The following EPB41L5 variants were observed in gnomAD, a reference collection of about 807,000 sequenced individuals.
EPB41L5 encodes erythrocyte membrane protein band 4.1 like 5, also known as band 4.1-like protein 5.
EPB41L5 carries 55 observed loss-of-function variants against 106.6 expected under a neutral mutation model. The ratio of observed to expected loss-of-function variants is 0.52; its 90% CI spans 0.42 to 0.65. The LOEUF (loss-of-function observed/expected upper bound fraction) is 0.65, where lower values mean the gene tolerates loss of function less well. Ranked by LOEUF, EPB41L5 falls within the 30% of genes least tolerant of loss-of-function variation. The pLI, the probability that EPB41L5 is intolerant of heterozygous loss-of-function variation, is 0.00. For missense variants in EPB41L5, 871 were observed against 882.1 expected (o/e 0.99, Z 0.16); for synonymous variants, 297 against 306.7 (o/e 0.97, Z 0.33).
At chr2:120,112,149 A>T (rs956851071) in intron 16 of EPB41L5, among the ~76,000 whole-genome samples, 2 of 151,654 alleles carry the variant, frequency 1.3e-5, no homozygotes, top group African/African-American at 4.9e-5. Context: ...TCATCTTAGT[A>T]TGTGTTTGTT....
intron 2 of EPB41L5, among the ~76,000 whole-genome samples, chr2:120,020,331 A>C (rs1030872310): frequency 6.6e-6 from 1 of 152,178 alleles, no homozygotes; most frequent in Non-Finnish European, 1.5e-5. Context: ...AAGGAATTGG[A>C]GAGTTTGTTT....
chr2:120,167,744 A>AAAAC (rs1312116728), intron 23 of EPB41L5, 133 bp from the exon 24 acceptor site: 3 of 1,227,032 alleles, frequency 2.4e-6, no homozygotes, highest in East Asian at 4.7e-5. Flanking sequence ...TAAGAAAAAC[A>AAAAC]AAACAAACAG....
chr2:120,041,799 AAC>A (rs1679422139), intron 2 of EPB41L5, among the ~76,000 whole-genome samples: 1 of 152,200 alleles, frequency 6.6e-6, no homozygotes, highest in African/African-American at 2.4e-5. Flanking sequence ...TCTCCAGGAA[AAC>A]ACATAAATCG....
intron 10 of EPB41L5, among the ~76,000 whole-genome samples, chr2:120,083,453 C>T (rs1389218030): frequency 3.9e-5 from 6 of 152,186 alleles, no homozygotes; most frequent in Non-Finnish European, 5.9e-5. Flanking sequence ...TTTGATAGCA[C>T]TGTGGTCTGA....
intron 10 of EPB41L5, among the ~76,000 whole-genome samples, chr2:120,086,877 A>G (rs563184936): frequency 6.6e-6 from 1 of 152,296 alleles, no homozygotes; most frequent in African/African-American, 2.4e-5. Context: ...CCCTAGACCT[A>G]AAGAATCTCT....
intron 3 of EPB41L5, among the ~76,000 whole-genome samples, chr2:120,072,617 C>G (rs1183656768): frequency 6.6e-6 from 1 of 152,184 alleles, no homozygotes; most frequent in Admixed American, 6.5e-5. Context: ...AGGATGAGTT[C>G]ATGTCCTTTG....
chr2:120,090,221 A>C (rs1173425891), intron 11 of EPB41L5, 126 bp from the exon 12 acceptor site: 1 of 692,176 alleles, frequency 1.4e-6, no homozygotes, highest in Non-Finnish European at 2.3e-6. Context: ...TTGATACTAT[A>C]AAGAGTGTCT....
intron 10 of EPB41L5, among the ~76,000 whole-genome samples, chr2:120,079,069 C>T (rs978424215): frequency 1.1e-4 from 17 of 152,056 alleles, no homozygotes; most frequent in African/African-American, 3.9e-4. Context: ...ACTTGGATTT[C>T]TTGGCCATAA....
chr2:120,086,616 G>T (rs1171140093), intron 10 of EPB41L5, among the ~76,000 whole-genome samples: 2 of 151,898 alleles, frequency 1.3e-5, no homozygotes, highest in Non-Finnish European at 2.9e-5. Context: ...ACAAAAATTA[G>T]CCTGGTGTGG....
chr2:120,032,941 A>G (rs1484734646), intron 2 of EPB41L5, among the ~76,000 whole-genome samples: 1 of 152,248 alleles, frequency 6.6e-6, no homozygotes, highest in Non-Finnish European at 1.5e-5. Context: ...GTGTCTGTCT[A>G]GGAATTGAAT....
intron 16 of EPB41L5, among the ~76,000 whole-genome samples, chr2:120,125,117 GAGA>G: frequency 6.6e-6 from 1 of 152,290 alleles, no homozygotes; most frequent in African/African-American, 2.4e-5. Flanking sequence ...CTTCTATAGA[GAGA>G]AGATGGTTTT....
intron 3 of EPB41L5, among the ~76,000 whole-genome samples, chr2:120,049,350 A>G (rs1480528168): frequency 6.6e-6 from 1 of 152,138 alleles, no homozygotes. Flanking sequence ...GTTCTCCTGT[A>G]TTGGGTACAT....
At chr2:120,152,359 C>G (rs890968457) in intron 20 of EPB41L5, among the ~76,000 whole-genome samples, 8 of 152,048 alleles carry the variant, frequency 5.3e-5, no homozygotes, top group African/African-American at 1.9e-4. Context: ...AGAACAAATC[C>G]TACTTGGTCA....
chr2:120,143,081 C>T lies in EPB41L5; in HGVS notation c.1678C>T (p.Pro560Ser). ...AGGATTGAATGTCATGAGAGTTCCT[C>T]CTGACTTCAAGAGTAACATTTTGAA... ...SPGLNVMRVPPDFKSNILKAQ... is the reference protein window; with the variant it reads ...SPGLNVMRVPSDFKSNILKAQ... The change falls in exon 19 of 25, where the codon CCT becomes TCT. Residue 560 changes from proline (P) to serine (S), a missense_variant. By Grantham distance (74) the Pro-to-Ser change is moderately conservative (BLOSUM62 -1). Transcript: ENST00000263713. 1 of 1,610,510 alleles carries T rather than the reference C, an allele frequency of 6.2e-7. No homozygotes were observed. Among genetic ancestry groups the T allele is most frequent in the Admixed American group, 1.7e-5 (1 of 59,306 alleles).
chr2:120,085,935 C>T (rs1033451604), intron 10 of EPB41L5, among the ~76,000 whole-genome samples: 10 of 152,116 alleles, frequency 6.6e-5, no homozygotes, highest in Non-Finnish European at 1.0e-4. Flanking sequence ...TAGGGCAGAC[C>T]AGGTGGCTCA....
At chr2:120,160,816 C>G (rs1343482752) in intron 20 of EPB41L5, 65 bp from the exon 21 acceptor site, 8 of 1,188,310 alleles carry the variant, frequency 6.7e-6, no homozygotes, top group African/African-American at 1.5e-5. Context: ...TAAGCCCTTT[C>G]TTTGAAAATC....
Position 120,077,315 on chromosome 2 carries a change from A to G in EPB41L5, c.713A>G (p.Lys238Arg). Residue 238 changes from lysine to arginine, a missense_variant and splice_region_variant, in exon 9 of 25, where the codon AAG becomes AGG. Physicochemically the swap from Lys to Arg is conservative, Grantham distance 26. Coordinates refer to ENST00000263713, the MANE Select transcript of EPB41L5 (RefSeq NM_020909.4). ...TATGGGGTTGATATGCATGTGGTCA[A>G]GGTAAGCATTGTGTTGTGATGCTTT... ...EMYGVDMHVV[K>R]ARDGNDYSLG... The G allele has an allele frequency of 6.2e-7, 1 of 1,608,152 alleles. No individual in the cohort carries two copies. Among genetic ancestry groups the G allele is most frequent in the Non-Finnish European group, 8.5e-7 (1 of 1,177,154 alleles).
At chr2:120,145,858 A>G (rs999024369) in intron 19 of EPB41L5, among the ~76,000 whole-genome samples, 1 of 152,124 alleles carries the variant, frequency 6.6e-6, no homozygotes, top group Non-Finnish European at 1.5e-5. Context: ...AGGCAGGAGA[A>G]TCACTTGAAC....
chr2:120,122,925 A>C (rs932726079), intron 16 of EPB41L5, among the ~76,000 whole-genome samples: 2 of 152,162 alleles, frequency 1.3e-5, no homozygotes, highest in Non-Finnish European at 2.9e-5. Context: ...TCTTTGAAGC[A>C]ATTGTGAATG....
Sources: allele counts gnomAD v4.1 joint callset (sites outside exome capture counted in the v4.1 genomes callset), GRCh38; gene constraint gnomAD v4.1.1; transcripts MANE v1.5; gene names NCBI Gene and HGNC (gene_info 2026-07-23, HGNC 2026-07-21).